Variants in RAB40C observed in about 807,000 individuals in gnomAD.
The protein encoded by RAB40C is ras-related protein Rab-40C.
Under a neutral mutation model 28.1 loss-of-function variants are expected in RAB40C, and 8 were observed. The ratio of observed to expected loss-of-function variants is 0.28; its 90% confidence interval spans 0.17 to 0.51. RAB40C has a LOEUF of 0.51. RAB40C is among the 20% of genes least tolerant of loss of function. RAB40C has a pLI of 0.97. For synonymous variants in RAB40C, 201 were observed against 171.7 expected (o/e 1.17, Z -1.34); for missense variants, 288 against 405.9 (o/e 0.71, Z 2.50).
intron 1 of RAB40C, among the ~76,000 whole-genome samples, chr16:602,741 A>AT (rs1406133163): frequency 2.0e-5 from 3 of 151,956 alleles, no homozygotes; most frequent in Non-Finnish European, 2.9e-5. Flanking sequence ...CCAATAAATT[A>AT]TTTTTTGTAG....
At chr16:615,049 C>T (rs1201329359) in intron 1 of RAB40C, among the ~76,000 whole-genome samples, 2 of 152,182 alleles carry the variant, frequency 1.3e-5, no homozygotes, top group African/African-American at 4.8e-5. Context: ...AAACGAGGAC[C>T]CGAGGGAGAC....
chr16:601,586 A>G (rs1453209504), intron 1 of RAB40C, among the ~76,000 whole-genome samples: 1 of 152,144 alleles, frequency 6.6e-6, no homozygotes, highest in Non-Finnish European at 1.5e-5. Flanking sequence ...AGGGCCATGC[A>G]TGCAGTGTTC....
At chr16:626,326 C>T (rs1192191335) in intron 5 of RAB40C, among the ~76,000 whole-genome samples, 2 of 152,186 alleles carry the variant, frequency 1.3e-5, no homozygotes, top group Non-Finnish European at 2.9e-5. Context: ...GGCACAGGAG[C>T]AGCTGATGAC....
intron 1 of RAB40C, among the ~76,000 whole-genome samples, chr16:600,876 C>G (rs145021288): frequency 2.0e-5 from 3 of 152,344 alleles, no homozygotes; most frequent in African/African-American, 7.2e-5. Flanking sequence ...GGTTTTGACT[C>G]CAGTCTCTGT....
rs186663596 is a variant in RAB40C, at chr16:590,963, G to A, written c.142+530G>A. Among the ~76,000 whole-genome samples the A allele has an allele frequency of 4.7e-3, 714 of 151,640 alleles. 4 individuals are homozygous for A. The highest frequency in any genetic ancestry group is 0.024 in the Middle Eastern group (7 of 290). ...ATGGGTCCAGGATCTGGGGTCCGGG[G>A]AAAGATGTCATGGTCCCGGTAGAAG... On this transcript the variant is annotated intron_variant, in intron 1 of 5. Transcript: ENST00000248139.
chr16:617,187 G>C (rs753834083), intron 1 of RAB40C, 21 bp from the exon 2 acceptor site: 1 of 1,612,934 alleles, frequency 6.2e-7, no homozygotes, highest in Non-Finnish European at 8.5e-7. Flanking sequence ...CGTCCCCTCA[G>C]CGCCCTGTGC....
chr16:618,175 C>A, intron 2 of RAB40C, 25 bp from the exon 3 acceptor site: 5 of 1,607,120 alleles, frequency 3.1e-6, no homozygotes, highest in Non-Finnish European at 3.4e-6. Flanking sequence ...ACAGTCCCGG[C>A]CCCTCCCCTC....
At chr16:616,073 C>T (rs1052866175) in intron 1 of RAB40C, among the ~76,000 whole-genome samples, 3 of 151,958 alleles carry the variant, frequency 2.0e-5, no homozygotes, top group Admixed American at 1.3e-4. Context: ...CTGGCTAACA[C>T]GGTGAAACCC....
At chr16:605,545 G>A (rs1161689221) in intron 1 of RAB40C, among the ~76,000 whole-genome samples, 1 of 152,200 alleles carries the variant, frequency 6.6e-6, no homozygotes, top group Admixed American at 6.5e-5. Flanking sequence ...CACGTCAATG[G>A]AGCCACACAG....
intron 1 of RAB40C, among the ~76,000 whole-genome samples, chr16:611,216 T>A (rs1164568607): frequency 6.6e-6 from 1 of 152,110 alleles, no homozygotes; most frequent in East Asian, 1.9e-4. Context: ...TTTCCCGGCA[T>A]CCCCGTTCCT....
rs931845613 is a variant in RAB40C, at chr16:629,004, A to T, written c.*1382A>T. The T allele has an allele frequency of 6.4e-6, 1 of 155,458 alleles. No individual in the cohort carries two copies. Among genetic ancestry groups the T allele is most frequent in the African/African-American group, 2.4e-5 (1 of 41,514 alleles). 9.6% of individuals were successfully genotyped at this position (155,458 alleles called of 1,614,324 possible). On this transcript the variant is annotated 3_prime_UTR_variant, in exon 6 of 6. Transcript: ENST00000248139. ...CGTGGCCTGCATGAACTACCAGATG[A>T]GTAAGGGAACCCCAGGCAGGCGGCC...
chr16:594,942 C>T (rs1317996842), intron 1 of RAB40C, among the ~76,000 whole-genome samples: 1 of 151,896 alleles, frequency 6.6e-6, no homozygotes, highest in Non-Finnish European at 1.5e-5. Flanking sequence ...GTCTCAGCCT[C>T]CTGAGTAGCT....
chr16:624,442 G>GCTGT (rs1408102900), intron 3 of RAB40C: 1 of 985,372 alleles, frequency 1.0e-6, no homozygotes, highest in Non-Finnish European at 1.2e-6. Flanking sequence ...TCCTTCCTGA[G>GCTGT]CTGTCGCTCC....
chr16:606,973 T>C (rs1248154018), intron 1 of RAB40C, among the ~76,000 whole-genome samples: 1 of 152,176 alleles, frequency 6.6e-6, no homozygotes, highest in Non-Finnish European at 1.5e-5. Flanking sequence ...ACATGGCTGC[T>C]GGTGGCAGGC....
chr16:625,426 T>A lies in RAB40C; in HGVS notation c.265-6T>A. 6.2e-7 allele frequency: 1 copy of A among 1,613,020 alleles called. No homozygotes were observed. The highest frequency in any genetic ancestry group is 8.5e-7 in the Non-Finnish European group (1 of 1,179,640). ...ACCCCTGATGACCCCCAAGTCTCTG[T>A]TGCAGGGGATCCTCTTGGTGTATGA... On this transcript the variant is annotated splice_polypyrimidine_tract_variant and splice_region_variant and intron_variant, in intron 3 of 5. Coordinates refer to ENST00000248139, the MANE Select transcript of RAB40C (RefSeq NM_021168.5).
chr16:590,160 T>G lies in RAB40C; in HGVS notation c.-132T>G. The G allele has an allele frequency of 3.9e-6, 2 of 516,894 alleles. No individual in the cohort carries two copies. The highest frequency in any genetic ancestry group is 4.9e-6 in the Non-Finnish European group (2 of 404,206). 32.0% of individuals were successfully genotyped at this position (516,894 alleles called of 1,614,324 possible). On this transcript the variant is annotated 5_prime_UTR_variant, in exon 1 of 6. Coordinates refer to ENST00000248139, the MANE Select transcript of RAB40C (RefSeq NM_021168.5). ...GGCGGGGCGGGGCCGGCGCTGGGCT[T>G]CGGGCGCGCCCACTCGGCCGCCGTG... is the stretch of plus-strand genomic sequence containing the variant.
In RAB40C at chr16:610,941, G is replaced by C. The variant is rs1367322020; in HGVS notation, c.143-6267G>C. ...TGGCTTGCTGGGAACAAGACACTCGGCTGACTGTGCTTAGAGAACAGGCCG... is the reference window on the plus strand; with the variant it reads ...TGGCTTGCTGGGAACAAGACACTCGCCTGACTGTGCTTAGAGAACAGGCCG... On this transcript the variant is annotated intron_variant, in intron 1 of 5. Coordinates refer to ENST00000248139, the MANE Select transcript of RAB40C (RefSeq NM_021168.5). This position sits in a 1 kb window ranked among gnomAD's most constrained non-coding sequence, Gnocchi z 4.6. Among the ~76,000 whole-genome samples the C allele has an allele frequency of 6.6e-6, 1 of 152,196 alleles. No individual in the cohort carries two copies. The highest frequency in any genetic ancestry group is 1.5e-5 in the Non-Finnish European group (1 of 68,038).
At chr16:617,057 A>G (rs1406296172) in intron 1 of RAB40C, 151 bp from the exon 2 acceptor site, 12 of 800,836 alleles carry the variant, frequency 1.5e-5, no homozygotes, top group African/African-American at 1.7e-5. Context: ...GAGCCCCGAG[A>G]TTTCCCCCTG....
chr16:591,699 C>A (rs2036002827), intron 1 of RAB40C, among the ~76,000 whole-genome samples: 1 of 151,584 alleles, frequency 6.6e-6, no homozygotes, highest in Non-Finnish European at 1.5e-5. Flanking sequence ...TCAAGCGATT[C>A]CCCTGTCTCA....
Sources: allele counts gnomAD v4.1 joint callset (sites outside exome capture counted in the v4.1 genomes callset), GRCh38; gene constraint gnomAD v4.1.1; non-coding constraint Gnocchi (gnomAD v3.1); transcripts MANE v1.5; gene names NCBI Gene and HGNC (gene_info 2026-07-23, HGNC 2026-07-21).